DOCK8: variants seen among roughly 807,000 people sequenced by gnomAD.
DOCK8 encodes dedicator of cytokinesis protein 8.
DOCK8 carries 141 observed loss-of-function variants against 245.6 expected under a neutral mutation model. The observed-to-expected ratio is 0.57, with a 90% CI of 0.50 to 0.66. The LOEUF (loss-of-function observed/expected upper bound fraction) is 0.66, where lower values mean the gene tolerates loss of function less well. Ranked by LOEUF, DOCK8 falls within the 30% of genes least tolerant of loss-of-function variation. DOCK8 has a pLI of 0.00. For synonymous variants in DOCK8, 1,168 were observed against 970.2 expected (o/e 1.20, Z -3.79); for missense variants, 2,965 against 2,603.4 (o/e 1.14, Z -3.02).
chr9:406,833 C>T (rs1586939756), intron 27 of DOCK8, 97 bp from the exon 28 acceptor site: 9 of 1,551,306 alleles, frequency 5.8e-6, no homozygotes, highest in African/African-American at 1.4e-5. Flanking sequence ...GGAGGGCTCA[C>T]GAAGCCTGGC....
chr9:400,988 TCCACCACCA>T (rs1470261686), intron 26 of DOCK8, among the ~76,000 whole-genome samples: 6 of 96,310 alleles, frequency 6.2e-5, no homozygotes, highest in Non-Finnish European at 2.4e-5. Flanking sequence ...CACCACCTCC[TCCACCACCA>T]CCACCATTAG....
chr9:273,688 C>CTT (rs774289439), intron 2 of DOCK8, among the ~76,000 whole-genome samples: 3 of 140,100 alleles, frequency 2.1e-5, no homozygotes, highest in Non-Finnish European at 3.1e-5. Flanking sequence ...AGCTTTTACT[C>CTT]TTTTTTTTTT....
chr9:379,577 C>G (rs1001480961), intron 20 of DOCK8, among the ~76,000 whole-genome samples, 194 bp from the exon 21 acceptor site: 10 of 152,090 alleles, frequency 6.6e-5, no homozygotes, highest in Admixed American at 2.6e-4. Flanking sequence ...GGAGGAAGTT[C>G]AAAAGAGGGA....
At chr9:329,378 A>G (rs2050905412) in intron 9 of DOCK8, among the ~76,000 whole-genome samples, 1 of 152,164 alleles carries the variant, frequency 6.6e-6, no homozygotes, top group South Asian at 2.1e-4. Flanking sequence ...TGATCGCCCC[A>G]TGATCTCATG....
chr9:233,548 C>T (rs2047170943), intron 1 of DOCK8, among the ~76,000 whole-genome samples: 2 of 151,580 alleles, frequency 1.3e-5, no homozygotes, highest in Middle Eastern at 3.4e-3. Flanking sequence ...CTTTGTAGGT[C>T]ACTAAGGACT....
rs893757461 is a variant in DOCK8, at chr9:415,010, C to G, written c.3700+59C>G. Reference sequence around the variant, plus strand: ...TGGGGGCCCCTGCCAAATGCCCCATCCGAATGAGATCTCTGTCATTCGTTC... The same window carrying G: ...TGGGGGCCCCTGCCAAATGCCCCATGCGAATGAGATCTCTGTCATTCGTTC... On this transcript the variant is annotated intron_variant, in intron 29 of 47. Transcript: ENST00000432829. 21 of 1,595,464 alleles carry G rather than the reference C, an allele frequency of 1.3e-5. No individual in the cohort carries two copies. In the African/African-American group the frequency reaches 2.4e-4, roughly 18 times the overall value.
chr9:257,644 T>G (rs1432722781), intron 1 of DOCK8, among the ~76,000 whole-genome samples: 1 of 152,150 alleles, frequency 6.6e-6, no homozygotes, highest in Non-Finnish European at 1.5e-5. Flanking sequence ...CTCAGCCTCC[T>G]GAGTAGCTGG....
chr9:271,763 G>C, intron 2 of DOCK8, 34 bp downstream of exon 2: 3 of 1,488,810 alleles, frequency 2.0e-6, no homozygotes, highest in Non-Finnish European at 2.7e-6. Context: ...TTAGCGATTG[G>C]TCAAGTGCAA....
intron 33 of DOCK8, 30 bp from the exon 34 acceptor site, chr9:426,855 G>A (rs768874074): frequency 1.4e-5 from 23 of 1,596,304 alleles, no homozygotes; most frequent in East Asian, 6.7e-5. Context: ...TTTGACATGC[G>A]CTTTAATTTG....
rs375357182 is a variant in DOCK8 at position 216,829 on chromosome 9, C to T, written c.53+1800C>T. Among the ~76,000 whole-genome samples, 13 of 152,188 alleles carry T rather than the reference C, an allele frequency of 8.5e-5. No homozygotes were observed. In the South Asian group the frequency reaches 2.5e-3, roughly 29 times the overall value. ...GTGAGTGGCCGAGACCCGGACTAATCCTACAGGCAGTCTTGCAAGCAACTG... is the reference window on the plus strand; with the variant it reads ...GTGAGTGGCCGAGACCCGGACTAATTCTACAGGCAGTCTTGCAAGCAACTG... On this transcript the variant is annotated intron_variant, in intron 1 of 47. Transcript: ENST00000432829.
At chr9:451,828 A>G (rs1235051170) in intron 45 of DOCK8, among the ~76,000 whole-genome samples, 183 bp from the exon 46 acceptor site, 1 of 149,844 alleles carries the variant, frequency 6.7e-6, no homozygotes, top group Non-Finnish European at 1.5e-5. Context: ...AAGCAATTTA[A>G]TTTCCTTCAT....
chr9:422,193 A>G (rs2131650172), intron 33 of DOCK8, 58 bp downstream of exon 33: 1 of 1,455,720 alleles, frequency 6.9e-7, no homozygotes, highest in Non-Finnish European at 9.6e-7. Flanking sequence ...TATTTTTCCC[A>G]GGCTGCTTGT....
intron 1 of DOCK8, among the ~76,000 whole-genome samples, chr9:239,381 A>G (rs538835420): frequency 3.0e-4 from 45 of 152,344 alleles, no homozygotes; most frequent in Non-Finnish European, 4.3e-4. Flanking sequence ...AATAACTTCT[A>G]TGGAAAATCC....
chr9:250,754 G>C (rs984099212), intron 1 of DOCK8, among the ~76,000 whole-genome samples: 1 of 152,202 alleles, frequency 6.6e-6, no homozygotes, highest in African/African-American at 2.4e-5. Context: ...TGACGGATTA[G>C]AAGGTCAACA....
chr9:343,427 C>T (rs940586093), intron 14 of DOCK8, among the ~76,000 whole-genome samples: 11 of 151,638 alleles, frequency 7.3e-5, no homozygotes, highest in African/African-American at 2.4e-4. Context: ...CCCAGAAATT[C>T]GAGGTTAGCC....
At chr9:214,783 C>T (rs899153847), upstream of DOCK8, 3 of 1,554,552 alleles carry the variant, frequency 1.9e-6, no homozygotes, top group African/African-American at 2.8e-5. Flanking sequence ...GCGGAGCCGG[C>T]CGTCGCTGCT....
At chr9:412,345 T>C (rs987533676) in intron 28 of DOCK8, among the ~76,000 whole-genome samples, 2 of 143,914 alleles carry the variant, frequency 1.4e-5, no homozygotes, top group Admixed American at 1.5e-4. Context: ...GCGGAGGTTG[T>C]AGTGAGCTGA....
chr9:368,546 C>G, intron 15 of DOCK8: 1 of 449,554 alleles, frequency 2.2e-6, no homozygotes, highest in South Asian at 3.3e-5. Context: ...ACTCAAGCCT[C>G]GGACCACAGT....
intron 18 of DOCK8, among the ~76,000 whole-genome samples, chr9:374,466 T>TTG (rs1244662315): frequency 7.0e-6 from 1 of 143,214 alleles, no homozygotes; most frequent in African/African-American, 2.6e-5. Flanking sequence ...TTTTTTTTTT[T>TTG]TTTTTTTTTT....
Sources: allele counts gnomAD v4.1 joint callset (sites outside exome capture counted in the v4.1 genomes callset), GRCh38; gene constraint gnomAD v4.1.1; transcripts MANE v1.5; gene names NCBI Gene and HGNC (gene_info 2026-07-23, HGNC 2026-07-21).